The following TMEM164 variants were observed in gnomAD, a reference collection of about 807,000 sequenced individuals.
TMEM164 encodes the protein transmembrane protein 164, also known as RP13-360B22.2.
In TMEM164, 4 loss-of-function variants were observed where a neutral mutation model predicts 18.8. That is an observed-to-expected ratio of 0.21 (90% confidence interval 0.10 to 0.49). The LOEUF (loss-of-function observed/expected upper bound fraction) is 0.49. TMEM164 is among the 20% of genes least tolerant of loss of function. The pLI, the probability that TMEM164 is intolerant of heterozygous loss-of-function variation, is 0.98. For missense variants in TMEM164, 108 were observed against 239.9 expected (o/e 0.45, Z 3.63); for synonymous variants, 86 against 101.7 (o/e 0.85, Z 0.93).
At chrX:110,096,127 G>A (rs941483318) in intron 3 of TMEM164, among the ~76,000 whole-genome samples, 3 of 112,457 alleles carry the variant, frequency 2.7e-5, no homozygotes, top group Non-Finnish European at 5.6e-5. Context: ...TAGGCTACTC[G>A]GGGGTCAGGG....
Position 110,099,962 on chromosome X carries a change from AG to A in TMEM164, c.441-9117del, listed in dbSNP as rs1292803432. Among the ~76,000 whole-genome samples the A allele has an allele frequency of 5.4e-5, 6 of 112,132 alleles. No individual in the cohort carries two copies. The East Asian group carries it at 1.1e-3, about 21-fold the overall frequency. Reference sequence around the variant, plus strand: ...CATTTCAGTTTTTTGAAACATTTTAAGTGGTTCTTTCAAAAATGTTGCTTTT... The same window carrying A: ...CATTTCAGTTTTTTGAAACATTTTAATGGTTCTTTCAAAAATGTTGCTTTT... On this transcript the variant is annotated intron_variant, in intron 3 of 6. Coordinates refer to ENST00000372068, the MANE Select transcript of TMEM164 (RefSeq NM_032227.4).
At chrX:110,160,626 C>T (rs1207282916) in intron 5 of TMEM164, among the ~76,000 whole-genome samples, 1 of 112,074 alleles carries the variant, frequency 8.9e-6, no homozygotes, top group Non-Finnish European at 1.9e-5. Context: ...GGAGGGCCTG[C>T]TTCAAGTCTG....
At chrX:110,036,914 A>G (rs961524285) in intron 2 of TMEM164, among the ~76,000 whole-genome samples, 2 of 110,638 alleles carry the variant, frequency 1.8e-5, no homozygotes, top group Non-Finnish European at 3.8e-5. Flanking sequence ...TTTTCATTTT[A>G]CTAATTTTAA....
At chrX:110,166,107 C>T (rs2067155622) in intron 5 of TMEM164, among the ~76,000 whole-genome samples, 2 of 111,694 alleles carry the variant, frequency 1.8e-5, no homozygotes, top group Non-Finnish European at 1.9e-5. Context: ...TCACAAAGTT[C>T]TCTCCTTTCC....
At chrX:110,127,304 G>A (rs1242310235) in intron 4 of TMEM164, among the ~76,000 whole-genome samples, 2 of 111,431 alleles carry the variant, frequency 1.8e-5, no homozygotes, top group African/African-American at 6.5e-5. Context: ...CCTGAGGTTG[G>A]CAGTTCGAGA....
At chrX:110,165,982 G>C (rs745729707) in intron 5 of TMEM164, among the ~76,000 whole-genome samples, 1 of 111,864 alleles carries the variant, frequency 8.9e-6, no homozygotes, top group Admixed American at 9.5e-5. Context: ...CCTTTTAGTG[G>C]CTTCTCATTG....
At chrX:110,049,472 A>G (rs1459230495) in intron 2 of TMEM164, among the ~76,000 whole-genome samples, 1 of 111,288 alleles carries the variant, frequency 9.0e-6, no homozygotes, top group African/African-American at 3.3e-5. Context: ...TATCCAAAGC[A>G]TGCAGCCTAG....
At chrX:110,016,760 G>A (rs372173679) in intron 2 of TMEM164, among the ~76,000 whole-genome samples, 5 of 110,253 alleles carry the variant, frequency 4.5e-5, no homozygotes, top group South Asian at 7.9e-4. Context: ...GGGCTCAAGC[G>A]ATCCTCTTGA....
At chrX:110,091,438 T>A (rs2065927676) in intron 3 of TMEM164, among the ~76,000 whole-genome samples, 1 of 112,312 alleles carries the variant, frequency 8.9e-6, no homozygotes. Context: ...TGGTTTTGAT[T>A]TGCATTTCTC....
intron 3 of TMEM164, among the ~76,000 whole-genome samples, chrX:110,098,564 CT>C (rs2066056780): frequency 9.0e-6 from 1 of 111,106 alleles, no homozygotes; most frequent in Admixed American, 9.6e-5. Flanking sequence ...ATTTACATTC[CT>C]ACCAACAGTG....
chrX:110,131,968 G>C (rs1323953075), intron 4 of TMEM164, among the ~76,000 whole-genome samples: 1 of 111,592 alleles, frequency 9.0e-6, no homozygotes, highest in Admixed American at 9.5e-5. Flanking sequence ...ATGGCAGCTA[G>C]GTAGCGTAAG....
At chrX:110,013,229 A>G (rs1408288560) in intron 2 of TMEM164, among the ~76,000 whole-genome samples, 1 of 111,829 alleles carries the variant, frequency 8.9e-6, no homozygotes, top group Admixed American at 9.4e-5. Flanking sequence ...TTGCAGAAAG[A>G]CTCTGACTGA....
At chrX:110,004,557 C>T (rs1460886473) in intron 2 of TMEM164, among the ~76,000 whole-genome samples, 1 of 112,047 alleles carries the variant, frequency 8.9e-6, no homozygotes, top group Non-Finnish European at 1.9e-5. Flanking sequence ...AGTTAATTTC[C>T]CAGGGGCCTG....
chrX:110,080,549 C>T (rs2065737880), intron 3 of TMEM164, among the ~76,000 whole-genome samples: 1 of 111,651 alleles, frequency 9.0e-6, no homozygotes, highest in Non-Finnish European at 1.9e-5. Context: ...CATATCTAAA[C>T]CCCATCCCTG....
chrX:110,082,236 T>C (rs1047912203), intron 3 of TMEM164: 3 of 113,460 alleles, frequency 2.6e-5, no homozygotes, highest in African/African-American at 9.7e-5. Context: ...TATCTCCAAC[T>C]CCTAGAATTC....
intron 5 of TMEM164, among the ~76,000 whole-genome samples, chrX:110,169,985 A>C (rs1033168040): frequency 9.0e-6 from 1 of 111,695 alleles, no homozygotes; most frequent in Non-Finnish European, 1.9e-5. Context: ...ATGAAGCCCA[A>C]AGCCCTCAGC....
At chrX:110,183,332 T>G (rs2067330298), downstream of TMEM164, among the ~76,000 whole-genome samples, 1 of 112,534 alleles carries the variant, frequency 8.9e-6, no homozygotes, top group African/African-American at 3.2e-5. Context: ...CCTACACCTT[T>G]GCCATCTTCA....
At chrX:110,092,319 T>C (rs1223089532) in intron 3 of TMEM164, among the ~76,000 whole-genome samples, 2 of 112,069 alleles carry the variant, frequency 1.8e-5, no homozygotes, top group Non-Finnish European at 3.8e-5. Context: ...ATTTTCACAA[T>C]ATCGATACTT....
Position 110,077,879 on chromosome X carries a change from C to T in TMEM164, c.440+10483C>T, listed in dbSNP as rs1336247364. Among the ~76,000 whole-genome samples the T allele has an allele frequency of 2.7e-5, 3 of 111,752 alleles. No individual in the cohort carries two copies. In the Admixed American group the frequency reaches 2.9e-4, roughly 11 times the overall value. Reference sequence around the variant, plus strand: ...GTGATCTGACCCTTTTGTCTAGCTGCCTTTAAGATTTTTTCTTTTTCATTG... The same window carrying T: ...GTGATCTGACCCTTTTGTCTAGCTGTCTTTAAGATTTTTTCTTTTTCATTG... On this transcript the variant is annotated intron_variant, in intron 3 of 6. Coordinates refer to ENST00000372068, the MANE Select transcript of TMEM164 (RefSeq NM_032227.4).
Sources: allele counts gnomAD v4.1 joint callset (sites outside exome capture counted in the v4.1 genomes callset), GRCh38; gene constraint gnomAD v4.1.1; transcripts MANE v1.5; gene names NCBI Gene and HGNC (gene_info 2026-07-23, HGNC 2026-07-21).